GPBP1: variants seen among roughly 807,000 people sequenced by gnomAD.
GPBP1 encodes the protein vasculin.
Under a neutral mutation model 56.5 loss-of-function variants are expected in GPBP1, and 13 were observed. The ratio of observed to expected loss-of-function variants is 0.23; its 90% confidence interval spans 0.15 to 0.37. GPBP1 has a LOEUF of 0.37. Ranked by LOEUF, GPBP1 falls within the 10% of genes least tolerant of loss-of-function variation. The pLI is 1.00. For missense variants in GPBP1, 477 were observed against 572.3 expected (o/e 0.83, Z 1.70); for synonymous variants, 204 against 188.9 (o/e 1.08, Z -0.66).
At chr5:57,203,354 G>C (rs1580000782) in intron 2 of GPBP1, among the ~76,000 whole-genome samples, 1 of 152,048 alleles carries the variant, frequency 6.6e-6, no homozygotes, top group South Asian at 2.1e-4. Context: ...GCATAGAAAG[G>C]GTATGGCGCT....
At chr5:57,205,892 T>G (rs953930954) in intron 2 of GPBP1, among the ~76,000 whole-genome samples, 2 of 152,066 alleles carry the variant, frequency 1.3e-5, no homozygotes, top group African/African-American at 2.4e-5. Context: ...GCCTCCTGAG[T>G]GGCTGGGAAT....
At chr5:57,261,885 T>C (rs1741910106) in intron 11 of GPBP1, among the ~76,000 whole-genome samples, 1 of 152,164 alleles carries the variant, frequency 6.6e-6, no homozygotes, top group South Asian at 2.1e-4. Context: ...TCAAATCGAT[T>C]ATTTGTTTAT....
chr5:57,253,283 T>C (rs1741477673), intron 10 of GPBP1, among the ~76,000 whole-genome samples: 1 of 152,222 alleles, frequency 6.6e-6, no homozygotes, highest in Non-Finnish European at 1.5e-5. Context: ...GATTATCATA[T>C]TATTATTCTG....
chr5:57,184,093 G>A (rs184054741), intron 2 of GPBP1, among the ~76,000 whole-genome samples: 2 of 152,112 alleles, frequency 1.3e-5, no homozygotes, highest in African/African-American at 4.8e-5. Flanking sequence ...TTAGCCGGGC[G>A]TGGTGGTGCA....
In GPBP1 at chr5:57,175,477, TCATC is replaced by T; in HGVS notation, c.-980_-977del. The T allele has an allele frequency of 2.5e-6, 1 of 398,592 alleles. No homozygotes were observed. Among genetic ancestry groups the T allele is most frequent in the Non-Finnish European group, 4.4e-6 (1 of 226,052 alleles). The allele number at this position is 398,592 out of a possible 1,614,324, so 24.7% of individuals were successfully genotyped here. On this transcript the variant is annotated 5_prime_UTR_variant, in exon 2 of 12. An upstream open reading frame in the 5' UTR loses its in-frame stop. Transcript: ENST00000506184. The stretch of plus-strand genomic sequence containing the variant: ...TTGAATTACTCAGATATGAAGATCA[TCATC>T]TAGGTTTTGTGTAAAAGGCCCTGGA...
chr5:57,195,087 A>G (rs1304308014), intron 2 of GPBP1, among the ~76,000 whole-genome samples: 5 of 151,928 alleles, frequency 3.3e-5, no homozygotes, highest in South Asian at 2.1e-4. Context: ...TTTTTTTGCA[A>G]TGAGAATAAA....
At chr5:57,226,137 T>C (rs1756177320) in intron 3 of GPBP1, among the ~76,000 whole-genome samples, 1 of 152,208 alleles carries the variant, frequency 6.6e-6, no homozygotes, top group South Asian at 2.1e-4. Flanking sequence ...CATCTCTCTA[T>C]TGACAATGAG....
At chr5:57,209,608 T>G (rs918736132) in intron 2 of GPBP1, among the ~76,000 whole-genome samples, 2 of 148,382 alleles carry the variant, frequency 1.3e-5, no homozygotes, top group Non-Finnish European at 3.1e-5. Context: ...CCATTGAGGA[T>G]GATGTGCTGT....
At position 57,263,413 on chromosome 5, in the gene GPBP1, A is replaced by G. The variant is rs971389652; in HGVS notation, c.*661A>G. On this transcript the variant is annotated 3_prime_UTR_variant, in exon 12 of 12. Transcript: ENST00000506184. ...TTGGCACATTTTCTTCCAAATTTTA[A>G]GAGGTGATTTTCAAAAGCTTTATTG... 8 of 152,168 alleles carry G rather than the reference A, an allele frequency of 5.3e-5. No individual in the cohort carries two copies. The highest frequency in any genetic ancestry group is 1.4e-4 in the African/African-American group (6 of 41,454). The allele number at this position is 152,168 out of a possible 1,614,324, so 9.4% of individuals were successfully genotyped here.
chr5:57,225,509 A>AC (rs34979714), intron 3 of GPBP1, among the ~76,000 whole-genome samples: 1 of 27,990 alleles, frequency 3.6e-5, no homozygotes, highest in Non-Finnish European at 7.0e-5. Context: ...AAAAAAAAAA[A>AC]AACAAACTGG....
intron 2 of GPBP1, among the ~76,000 whole-genome samples, chr5:57,190,031 C>T (rs1156651743): frequency 1.3e-5 from 2 of 152,130 alleles, no homozygotes. Flanking sequence ...ATCTTGTTTA[C>T]CCTGTGCCCG....
chr5:57,257,767 A>G (rs1011932950), intron 10 of GPBP1, among the ~76,000 whole-genome samples: 1 of 152,172 alleles, frequency 6.6e-6, no homozygotes, highest in Non-Finnish European at 1.5e-5. Context: ...AGTCAGAAAG[A>G]TTTAATTGGG....
chr5:57,233,150 C>G (rs1756529398), intron 5 of GPBP1, among the ~76,000 whole-genome samples: 2 of 151,970 alleles, frequency 1.3e-5, no homozygotes, highest in Admixed American at 1.3e-4. Context: ...AAAATGATGG[C>G]TTGAACTGGG....
chr5:57,206,867 G>A (rs1380695653), intron 2 of GPBP1, among the ~76,000 whole-genome samples: 3 of 152,120 alleles, frequency 2.0e-5, no homozygotes, highest in Non-Finnish European at 4.4e-5. Context: ...TGATCACTAT[G>A]GCCAAGGTGC....
At chr5:57,246,215 T>C (rs62355758) in intron 6 of GPBP1, 85 bp from the exon 7 acceptor site, 8 of 1,044,124 alleles carry the variant, frequency 7.7e-6, no homozygotes, top group Middle Eastern at 2.3e-4. Context: ...AAAAAAAATT[T>C]GGAATATACT....
chr5:57,249,264 G>T, intron 8 of GPBP1, 145 bp from the exon 9 acceptor site: 1 of 547,500 alleles, frequency 1.8e-6, no homozygotes, highest in Non-Finnish European at 3.1e-6. Context: ...AAAAAACAGG[G>T]ATAGAACTAG....
chr5:57,194,277 AT>A (rs1486026426), intron 2 of GPBP1, among the ~76,000 whole-genome samples: 1 of 152,178 alleles, frequency 6.6e-6, no homozygotes, highest in East Asian at 1.9e-4. Flanking sequence ...TCTGAGTGTA[AT>A]TTGAGATAAT....
At chr5:57,227,386 G>GT (rs1460743031) in intron 3 of GPBP1, among the ~76,000 whole-genome samples, 1 of 152,030 alleles carries the variant, frequency 6.6e-6, no homozygotes, top group African/African-American at 2.4e-5. Flanking sequence ...TAGAGATGGA[G>GT]TTTCACTGTA....
At chr5:57,226,384 C>CT in intron 3 of GPBP1, among the ~76,000 whole-genome samples, 1 of 152,122 alleles carries the variant, frequency 6.6e-6, no homozygotes, top group East Asian at 1.9e-4. Context: ...TAATTAAATG[C>CT]TGTATAAGAC....
Sources: gnomAD v4.1 joint callset for allele counts (sites outside exome capture counted in the v4.1 genomes callset) on GRCh38, gnomAD v4.1.1 for gene constraint, MANE v1.5 for transcripts, NCBI Gene and HGNC (gene_info 2026-07-23, HGNC 2026-07-21) for gene names.